Variants in RBFOX1 observed in about 807,000 individuals in gnomAD.
The protein encoded by RBFOX1 is RNA binding fox-1 homolog 1, also known as RNA binding protein fox-1 homolog 1.
Under a neutral mutation model 57.7 loss-of-function variants are expected in RBFOX1, and 8 were observed. The observed-to-expected ratio is 0.14, with a 90% CI of 0.08 to 0.25. The LOEUF (loss-of-function observed/expected upper bound fraction) is 0.25, where lower values mean the gene tolerates loss of function less well. Among genes scored for constraint, RBFOX1 ranks in the 10% least tolerant of loss-of-function variants. The pLI, the probability that RBFOX1 is intolerant of heterozygous loss-of-function variation, is 1.00. For synonymous variants in RBFOX1, 326 were observed against 222.4 expected (o/e 1.47, Z -4.15); for missense variants, 611 against 548.5 (o/e 1.11, Z -1.14).
intron 4 of RBFOX1, among the ~76,000 whole-genome samples, chr16:7,238,037 A>G (rs56166439): frequency 0.064 from 9,683 of 152,318 alleles, 344 homozygotes; most frequent in African/African-American, 0.082. Context: ...ACATGCTACA[A>G]CATAGATGAA....
intron 3 of RBFOX1, among the ~76,000 whole-genome samples, chr16:6,971,368 G>C (rs575189717): frequency 1.3e-5 from 2 of 152,116 alleles, no homozygotes; most frequent in Non-Finnish European, 2.9e-5. Context: ...AGATGACTCA[G>C]CCTAAAGTGG....
intron 2 of RBFOX1, among the ~76,000 whole-genome samples, chr16:5,513,783 T>G (rs1004178902): frequency 3.7e-4 from 57 of 152,332 alleles, no homozygotes; most frequent in Admixed American, 2.6e-3. Flanking sequence ...GGCCCTAGTT[T>G]TTTTTGATGG....
intron 3 of RBFOX1, among the ~76,000 whole-genome samples, chr16:7,009,299 C>G (rs1209704923): frequency 2.0e-5 from 3 of 148,214 alleles, no homozygotes; most frequent in African/African-American, 7.5e-5. Flanking sequence ...CACTCTCTGT[C>G]TCTTCCTTCT....
At chr16:6,314,531 G>C (rs1222744732) in intron 1 of RBFOX1, among the ~76,000 whole-genome samples, 1 of 152,122 alleles carries the variant, frequency 6.6e-6, no homozygotes, top group Admixed American at 6.6e-5. Flanking sequence ...CAGGTGAAGG[G>C]CAGTTTAGGA....
At chr16:6,215,859 C>G (rs1290971379) in intron 1 of RBFOX1, among the ~76,000 whole-genome samples, 1 of 152,112 alleles carries the variant, frequency 6.6e-6, no homozygotes, top group Non-Finnish European at 1.5e-5. Context: ...CAGTATGAAT[C>G]AACTCGCCAC....
intron 3 of RBFOX1, among the ~76,000 whole-genome samples, chr16:5,713,505 G>T (rs931910105): frequency 6.6e-6 from 1 of 152,092 alleles, no homozygotes; most frequent in Non-Finnish European, 1.5e-5. Flanking sequence ...CATCTTTGTT[G>T]ACTCTTTGTT....
chr16:6,984,434 C>A (rs1209764523), intron 3 of RBFOX1, among the ~76,000 whole-genome samples: 1 of 152,054 alleles, frequency 6.6e-6, no homozygotes. Flanking sequence ...TGAGACGAAC[C>A]ATCAGGAAAA....
At chr16:5,836,519 C>T (rs1037149027) in intron 3 of RBFOX1, among the ~76,000 whole-genome samples, 20 of 152,196 alleles carry the variant, frequency 1.3e-4, no homozygotes, top group Admixed American at 1.1e-3. Context: ...CTCCATACTT[C>T]CTTATTCTCT....
chr16:5,826,505 C>T (rs975004540), intron 3 of RBFOX1, among the ~76,000 whole-genome samples: 1 of 152,216 alleles, frequency 6.6e-6, no homozygotes, highest in Non-Finnish European at 1.5e-5. Context: ...AATGACTCAA[C>T]TCTACCATTT....
At chr16:7,611,011 CTCTGTA>C (rs1200157806) in intron 10 of RBFOX1, among the ~76,000 whole-genome samples, 1 of 152,268 alleles carries the variant, frequency 6.6e-6, no homozygotes, top group East Asian at 1.9e-4. Flanking sequence ...AGTAGGCTGG[CTCTGTA>C]TCTGCTTAAG....
intron 3 of RBFOX1, among the ~76,000 whole-genome samples, chr16:5,678,473 TG>T (rs2050231891): frequency 1.3e-5 from 2 of 152,238 alleles, no homozygotes; most frequent in Admixed American, 1.3e-4. Context: ...TTAGGGCATA[TG>T]TGCAAGCGGG....
At chr16:5,446,587 G>A (rs1006206303) in intron 1 of RBFOX1, among the ~76,000 whole-genome samples, 3 of 152,062 alleles carry the variant, frequency 2.0e-5, no homozygotes, top group Non-Finnish European at 2.9e-5. Context: ...GCTTTAACAG[G>A]AGGGTGGCTT....
chr16:6,567,175 A>T (rs1342410776), intron 2 of RBFOX1, among the ~76,000 whole-genome samples: 2 of 152,158 alleles, frequency 1.3e-5, no homozygotes, highest in Non-Finnish European at 2.9e-5. Flanking sequence ...GGCAGTTTCA[A>T]AGCAGTACCA....
At chr16:6,978,466 C>G (rs150785678) in intron 3 of RBFOX1, among the ~76,000 whole-genome samples, 2 of 152,242 alleles carry the variant, frequency 1.3e-5, no homozygotes, top group African/African-American at 4.8e-5. Flanking sequence ...TTACTTATTA[C>G]GTTTTCATTA....
chr16:7,650,935 C>T (rs1228949361), intron 11 of RBFOX1, among the ~76,000 whole-genome samples: 1 of 152,106 alleles, frequency 6.6e-6, no homozygotes, highest in Non-Finnish European at 1.5e-5. Flanking sequence ...AGGATTTACT[C>T]GTGTTCCCCA....
At chr16:7,618,708 G>C (rs1249075299) in intron 10 of RBFOX1, among the ~76,000 whole-genome samples, 1 of 152,048 alleles carries the variant, frequency 6.6e-6, no homozygotes, top group East Asian at 1.9e-4. Context: ...TACCCTTTCT[G>C]TTAATTACAT....
chr16:6,788,735 A>G (rs932109285), intron 3 of RBFOX1, among the ~76,000 whole-genome samples: 14 of 148,086 alleles, frequency 9.5e-5, no homozygotes, highest in African/African-American at 3.6e-4. Context: ...TCGGCCTCCC[A>G]GAGTGCTGGG....
chr16:5,281,872 C>T (rs2063279642), intron 1 of RBFOX1, among the ~76,000 whole-genome samples: 1 of 152,178 alleles, frequency 6.6e-6, no homozygotes, highest in Admixed American at 6.5e-5. Context: ...ATCCGTTAAG[C>T]CTGTCTCTGT....
chr16:6,100,180 T>C (rs988454525), intron 1 of RBFOX1, among the ~76,000 whole-genome samples: 16 of 152,308 alleles, frequency 1.1e-4, no homozygotes, highest in African/African-American at 3.6e-4. Context: ...TGTTGTTTTT[T>C]GAGACGGAGT....
Sources: allele counts gnomAD v4.1 joint callset (sites outside exome capture counted in the v4.1 genomes callset), GRCh38; gene constraint gnomAD v4.1.1; transcripts MANE v1.5; gene names NCBI Gene and HGNC (gene_info 2026-07-23, HGNC 2026-07-21).